Variants in LZTFL1 observed in about 807,000 individuals in gnomAD.
LZTFL1 encodes leucine zipper transcription factor-like protein 1.
LZTFL1 carries 25 observed loss-of-function variants against 45.9 expected under a neutral mutation model. The observed-to-expected ratio is 0.54, with a 90% CI of 0.40 to 0.76. The LOEUF is 0.76. Among genes scored for constraint, LZTFL1 ranks in the 30% least tolerant of loss-of-function variants. The pLI is 0.00. For missense variants in LZTFL1, 277 were observed against 331.1 expected (o/e 0.84, Z 1.27); for synonymous variants, 93 against 117.4 (o/e 0.79, Z 1.35).
chr3:45,853,948 C>G (rs1246513500), intron 4 of LZTFL1, among the ~76,000 whole-genome samples: 1 of 152,158 alleles, frequency 6.6e-6, no homozygotes, highest in Admixed American at 6.5e-5. Flanking sequence ...TTTTGGCTTT[C>G]TTCTCCTCCT....
chr3:45,844,420 A>C (rs1701186170), upstream of LZTFL1, among the ~76,000 whole-genome samples: 2 of 152,172 alleles, frequency 1.3e-5, no homozygotes, highest in Admixed American at 1.3e-4. Flanking sequence ...GGCTTTACTT[A>C]AGTAGAAAGA....
intron 5 of LZTFL1, among the ~76,000 whole-genome samples, chr3:45,832,065 C>G (rs866369287): frequency 5.2e-4 from 79 of 152,216 alleles, no homozygotes; most frequent in African/African-American, 1.8e-3. Context: ...GAAACCCCAT[C>G]TCTACTAAAA....
At chr3:45,879,558 A>G (rs1701814809) in intron 2 of LZTFL1, among the ~76,000 whole-genome samples, 1 of 152,212 alleles carries the variant, frequency 6.6e-6, no homozygotes, top group Non-Finnish European at 1.5e-5. Flanking sequence ...CAATGAAACT[A>G]TTCTGTATGT....
chr3:45,838,242 C>T (rs1366565913), intron 1 of LZTFL1, among the ~76,000 whole-genome samples, 191 bp from the exon 2 acceptor site: 1 of 152,154 alleles, frequency 6.6e-6, no homozygotes, highest in Non-Finnish European at 1.5e-5. Flanking sequence ...CAAGTCACTG[C>T]TGACTACTTC....
At chr3:45,890,352 T>TATATATATATAAATATATATATATATAAC in intron 2 of LZTFL1, among the ~76,000 whole-genome samples, 1 of 16,170 alleles carries the variant, frequency 6.2e-5, no homozygotes, top group South Asian at 1.1e-3. Context: ...ATATATAACA[T>TATATATATATAAATATATATATATATAAC]ATATATATAT....
At position 45,834,301 on chromosome 3, in the gene LZTFL1, T is replaced by C. The variant is rs1298265304; in HGVS notation, c.324-3A>G. On this transcript the variant is annotated splice_polypyrimidine_tract_variant and splice_region_variant and intron_variant, in intron 3 of 9. Coordinates refer to ENST00000296135, the MANE Select transcript of LZTFL1 (RefSeq NM_020347.4). The stretch of plus-strand genomic sequence containing the variant: ...CTGCAACTTGTTCTAATAATTCTCT[T>C]GAAGAAGAAAGCAAAGATAAAAATT... 6.4e-7 allele frequency: 1 copy of C among 1,558,888 alleles called. No individual in the cohort carries two copies. Among genetic ancestry groups the C allele is most frequent in the Non-Finnish European group, 8.8e-7 (1 of 1,134,076 alleles).
intron 2 of LZTFL1, among the ~76,000 whole-genome samples, chr3:45,861,355 A>C (rs1214894059): frequency 6.6e-6 from 1 of 152,212 alleles, no homozygotes; most frequent in African/African-American, 2.4e-5. Context: ...AAAGCCCGGG[A>C]AGCTCAGAAG....
intron 2 of LZTFL1, among the ~76,000 whole-genome samples, chr3:45,863,482 T>A (rs1043810889): frequency 6.6e-6 from 1 of 152,082 alleles, no homozygotes; most frequent in African/African-American, 2.4e-5. Flanking sequence ...AAAACAGAAT[T>A]GTACAATGGA....
At chr3:45,855,800 A>G (rs1167993620) in intron 3 of LZTFL1, among the ~76,000 whole-genome samples, 3 of 152,210 alleles carry the variant, frequency 2.0e-5, no homozygotes, top group African/African-American at 2.4e-5. Context: ...CCCATTCGCA[A>G]TTGCTACAAA....
chr3:45,827,841 C>T (rs938369246), intron 8 of LZTFL1, among the ~76,000 whole-genome samples: 2 of 151,956 alleles, frequency 1.3e-5, no homozygotes, highest in African/African-American at 4.8e-5. Context: ...CTCCCATATT[C>T]TTTTTTCCCA....
At chr3:45,827,282 A>G (rs986337374) in intron 9 of LZTFL1, 74 bp downstream of exon 9, 38 of 1,161,506 alleles carry the variant, frequency 3.3e-5, no homozygotes, top group Middle Eastern at 3.8e-4. Flanking sequence ...CCTCTCTGGA[A>G]CAAGCTTAGA....
intron 7 of LZTFL1, among the ~76,000 whole-genome samples, chr3:45,830,523 ACTTTT>A (rs1559401720): frequency 2.0e-5 from 3 of 152,236 alleles, no homozygotes; most frequent in East Asian, 3.9e-4. Flanking sequence ...CCAATTAAAA[ACTTTT>A]CTTTTCATTT....
intron 7 of LZTFL1, among the ~76,000 whole-genome samples, chr3:45,830,107 C>A (rs1700776266): frequency 1.3e-5 from 2 of 152,172 alleles, no homozygotes; most frequent in Non-Finnish European, 2.9e-5. Context: ...ATTCTCTCTA[C>A]TTTTGTGTAT....
intron 2 of LZTFL1, among the ~76,000 whole-genome samples, chr3:45,860,274 TC>T (rs996061243): frequency 2.0e-5 from 3 of 152,074 alleles, no homozygotes; most frequent in African/African-American, 7.2e-5. Context: ...ATTTTTTTTT[TC>T]GAGAAATTAT....
At chr3:45,866,894 T>A (rs1701585554) in intron 2 of LZTFL1, among the ~76,000 whole-genome samples, 1 of 152,192 alleles carries the variant, frequency 6.6e-6, no homozygotes, top group South Asian at 2.1e-4. Flanking sequence ...ACGCCTGTAA[T>A]CCCAGCACTT....
upstream of LZTFL1, among the ~76,000 whole-genome samples, chr3:45,842,395 C>T (rs1575264413): frequency 6.6e-6 from 1 of 152,196 alleles, no homozygotes; most frequent in East Asian, 1.9e-4. Context: ...AAGTTCTTGT[C>T]CAGAACTTCC....
chr3:45,878,969 C>A (rs1186994854), intron 2 of LZTFL1, among the ~76,000 whole-genome samples: 1 of 152,180 alleles, frequency 6.6e-6, no homozygotes, highest in Non-Finnish European at 1.5e-5. Context: ...CAGATTAAAG[C>A]CACACACCTA....
chr3:45,872,184 G>A (rs1701681064), intron 2 of LZTFL1, among the ~76,000 whole-genome samples: 1 of 152,154 alleles, frequency 6.6e-6, no homozygotes, highest in African/African-American at 2.4e-5. Context: ...GGGTGCAGAG[G>A]GGCCAGAAAG....
chr3:45,888,104 A>T (rs1464615400), intron 2 of LZTFL1, among the ~76,000 whole-genome samples: 4 of 152,224 alleles, frequency 2.6e-5, no homozygotes, highest in Non-Finnish European at 4.4e-5. Flanking sequence ...GTGATTGGAT[A>T]ATAATAGGTT....
Sources: allele counts gnomAD v4.1 joint callset (sites outside exome capture counted in the v4.1 genomes callset), GRCh38; gene constraint gnomAD v4.1.1; transcripts MANE v1.5; gene names NCBI Gene and HGNC (gene_info 2026-07-23, HGNC 2026-07-21).